The following MRPS9 variants were observed in gnomAD, a reference collection of about 807,000 sequenced individuals.
The protein encoded by MRPS9 is small ribosomal subunit protein uS9m.
In MRPS9, 45 loss-of-function variants were observed where a neutral mutation model predicts 59.9. The ratio of observed to expected loss-of-function variants is 0.75; its 90% CI spans 0.59 to 0.96. The LOEUF is 0.96. Among genes scored for constraint, MRPS9 ranks in the 40% least tolerant of loss-of-function variants. The probability of loss-of-function intolerance (pLI) is 0.00; values close to 1 mark genes in which losing one functional copy is unlikely to be tolerated. For synonymous variants in MRPS9, 171 were observed against 166.8 expected, an observed-to-expected ratio of 1.03 and a Z score of -0.19; for missense variants, 473 against 481.1, an observed-to-expected ratio of 0.98 and a Z score of 0.16.
chr2:105,059,036 T>C (rs975216422), intron 2 of MRPS9, among the ~76,000 whole-genome samples: 1 of 151,152 alleles, frequency 6.6e-6, no homozygotes, highest in Non-Finnish European at 1.5e-5. Flanking sequence ...TTTTTTCTTT[T>C]GGAAAAAGCA....
At chr2:105,099,626 A>T (rs766083421) in intron 10 of MRPS9, 44 bp from the exon 11 acceptor site, 1 of 1,565,028 alleles carries the variant, frequency 6.4e-7, no homozygotes, top group Admixed American at 1.7e-5. Context: ...TCTGGGCAGC[A>T]TGCATATTAA....
chr2:105,057,538 G>A (rs761295623), intron 2 of MRPS9, among the ~76,000 whole-genome samples: 8 of 152,340 alleles, frequency 5.3e-5, no homozygotes, highest in Admixed American at 2.0e-4. Flanking sequence ...AACAGAGGCA[G>A]CAGAAACAGT....
chr2:105,088,792 A>G (rs925836068), intron 5 of MRPS9, among the ~76,000 whole-genome samples, 192 bp from the exon 6 acceptor site: 1 of 152,144 alleles, frequency 6.6e-6, no homozygotes, highest in Non-Finnish European at 1.5e-5. Flanking sequence ...AAATTACTCT[A>G]TCATCCTTTA....
chr2:105,096,141 G>T (rs991518571), intron 9 of MRPS9, among the ~76,000 whole-genome samples: 2 of 151,966 alleles, frequency 1.3e-5, no homozygotes, highest in South Asian at 4.1e-4. Context: ...TATAAATTCC[G>T]ATTTGCTATG....
chr2:105,061,932 T>C (rs1679913947), intron 2 of MRPS9, among the ~76,000 whole-genome samples: 1 of 152,186 alleles, frequency 6.6e-6, no homozygotes, highest in Non-Finnish European at 1.5e-5. Context: ...TCAGTATTTG[T>C]CACAACTTGA....
At chr2:105,075,248 T>C (rs1254593388) in intron 4 of MRPS9, among the ~76,000 whole-genome samples, 1 of 152,180 alleles carries the variant, frequency 6.6e-6, no homozygotes, top group Non-Finnish European at 1.5e-5. Context: ...GCTATGCTGG[T>C]CTGTGGTCTA....
intron 5 of MRPS9, among the ~76,000 whole-genome samples, chr2:105,082,108 AC>A (rs1249248074): frequency 2.0e-5 from 3 of 152,212 alleles, no homozygotes; most frequent in East Asian, 3.9e-4. Context: ...GGTGGGGGGA[AC>A]CGTCCCCTTC....
chr2:105,089,915 A>G lies in MRPS9; in HGVS notation c.576-5A>G. 1.3e-6 allele frequency: 2 copies of G among 1,598,672 alleles called. No homozygotes were observed. The highest frequency in any genetic ancestry group is 2.7e-5 in the African/African-American group (2 of 74,470). On this transcript the variant is annotated splice_polypyrimidine_tract_variant and splice_region_variant and intron_variant, in intron 6 of 10. Transcript: ENST00000258455. ...AAAAAGAGAATATATGTGATATTTT[A>G]ACAGAGACGTGATTGGCAGCAGATG...
At chr2:105,070,532 A>G (rs1330473751) in intron 2 of MRPS9, among the ~76,000 whole-genome samples, 1 of 152,184 alleles carries the variant, frequency 6.6e-6, no homozygotes, top group African/African-American at 2.4e-5. Flanking sequence ...TAGACTCTTC[A>G]TCGGCACTGT....
chr2:105,058,494 C>T (rs549748128), intron 2 of MRPS9, among the ~76,000 whole-genome samples: 82 of 152,252 alleles, frequency 5.4e-4, no homozygotes, highest in African/African-American at 1.9e-3. Flanking sequence ...TGTTGAATAT[C>T]AGTATTCTAG....
intron 5 of MRPS9, among the ~76,000 whole-genome samples, chr2:105,085,064 C>A (rs1189275694): frequency 6.6e-6 from 1 of 152,026 alleles, no homozygotes; most frequent in Non-Finnish European, 1.5e-5. Flanking sequence ...TGGACTTCCC[C>A]AGAGTCCTTT....
intron 1 of MRPS9, among the ~76,000 whole-genome samples, chr2:105,046,097 C>T (rs1679587179): frequency 6.6e-6 from 1 of 152,016 alleles, no homozygotes; most frequent in South Asian, 2.1e-4. Context: ...AACTCCTGAC[C>T]TCAAGTGATC....
intron 2 of MRPS9, among the ~76,000 whole-genome samples, chr2:105,059,921 T>C (rs1679864267): frequency 6.6e-6 from 1 of 151,832 alleles, no homozygotes; most frequent in African/African-American, 2.4e-5. Context: ...CCAGTGATTT[T>C]CTGGTTGACC....
intron 2 of MRPS9, among the ~76,000 whole-genome samples, chr2:105,069,536 C>T (rs1259601669): frequency 6.6e-6 from 1 of 152,094 alleles, no homozygotes; most frequent in African/African-American, 2.4e-5. Context: ...TAAAAAGTTA[C>T]TTATAAATTT....
At chr2:105,080,221 T>TTAGCAAAA (rs1680302793) in intron 5 of MRPS9, among the ~76,000 whole-genome samples, 159 bp downstream of exon 5, 1 of 152,236 alleles carries the variant, frequency 6.6e-6, no homozygotes. Context: ...TGATTTATAG[T>TTAGCAAAA]AATTCATTTT....
At position 105,097,369 on chromosome 2, in the gene MRPS9, T is replaced by C; in HGVS notation, c.1099+45T>C. 3 of 1,445,992 alleles carry C rather than the reference T, an allele frequency of 2.1e-6. No homozygotes were observed. In the South Asian group the frequency reaches 4.7e-5, roughly 23 times the overall value. 89.6% of individuals were successfully genotyped at this position (1,445,992 alleles called of 1,614,324 possible). ...GGGCATGGTGGCCCAATACTGGCTA[T>C]ACATGTTCATCTGCTTCTTGTCCTA... On this transcript the variant is annotated intron_variant, in intron 10 of 10. Coordinates refer to ENST00000258455, the MANE Select transcript of MRPS9 (RefSeq NM_182640.3).
At chr2:105,097,929 G>C (rs905248936) in intron 10 of MRPS9, among the ~76,000 whole-genome samples, 2 of 152,096 alleles carry the variant, frequency 1.3e-5, no homozygotes, top group African/African-American at 4.8e-5. Context: ...CGAACTCCTG[G>C]CCTCAAACAA....
chr2:105,054,363 G>C (rs1679763008), intron 2 of MRPS9, among the ~76,000 whole-genome samples: 1 of 152,140 alleles, frequency 6.6e-6, no homozygotes, highest in Non-Finnish European at 1.5e-5. Context: ...ACACTGTTGG[G>C]TACATTGATT....
chr2:105,092,447 G>C lies in MRPS9; in HGVS notation c.698G>C (p.Cys233Ser). 1 of 1,613,696 alleles carries C rather than the reference G, an allele frequency of 6.2e-7. No individual in the cohort carries two copies. Residue 233 changes from cysteine (C) to serine (S), a missense_variant, in exon 8 of 11, where the codon TGT (cysteine) becomes TCT (serine). Physicochemically the swap from Cys to Ser is moderately radical, Grantham distance 112 (BLOSUM62 -1). Transcript: ENST00000258455. ...CTAGAAAAGTTATTGACATCGCAGTGTGGTGCTGCTGAGGAAGAATTTGTG... is the reference window on the plus strand; with the variant it reads ...CTAGAAAAGTTATTGACATCGCAGTCTGGTGCTGCTGAGGAAGAATTTGTG... ...RLLEKLLTSQ[C>S]GAAEEEFVQR...
Sources: allele counts gnomAD v4.1 joint callset (sites outside exome capture counted in the v4.1 genomes callset), GRCh38; gene constraint gnomAD v4.1.1; transcripts MANE v1.5; gene names NCBI Gene and HGNC (gene_info 2026-07-23, HGNC 2026-07-21).